The following ASB3 variants were observed in gnomAD, a reference collection of about 807,000 sequenced individuals.
ASB3 encodes the protein ankyrin repeat and SOCS box protein 3.
ASB3 carries 41 observed loss-of-function variants against 54.5 expected under a neutral mutation model. The ratio of observed to expected loss-of-function variants is 0.75; its 90% CI spans 0.59 to 0.98. The LOEUF (loss-of-function observed/expected upper bound fraction) is 0.98, where lower values mean the gene tolerates loss of function less well. Among genes scored for constraint, ASB3 ranks in the 50% least tolerant of loss-of-function variants. ASB3 has a pLI of 0.00. For synonymous variants in ASB3, 266 were observed against 221.2 expected (o/e 1.20, Z -1.80); for missense variants, 733 against 620.0 (o/e 1.18, Z -1.94).
chr2:53,767,622 T>C (rs927953038), intron 1 of ASB3: 2 of 455,348 alleles, frequency 4.4e-6, no homozygotes, highest in African/African-American at 3.9e-5. Context: ...GTTAGGGTGA[T>C]TTACGGATGC....
At chr2:53,718,251 TA>T (rs1298821834) in intron 5 of ASB3, among the ~76,000 whole-genome samples, 1 of 151,404 alleles carries the variant, frequency 6.6e-6, no homozygotes, top group Admixed American at 6.6e-5. Context: ...AGGTTAACAC[TA>T]AAGAAAAAAT....
chr2:53,715,432 T>C (rs566088525), intron 6 of ASB3, among the ~76,000 whole-genome samples: 1 of 152,266 alleles, frequency 6.6e-6, no homozygotes, highest in East Asian at 1.9e-4. Flanking sequence ...AACATTTAAG[T>C]AGAACTTACA....
At chr2:53,756,836 A>G (rs1672857286) in intron 2 of ASB3, 1 of 152,966 alleles carries the variant, frequency 6.5e-6, no homozygotes, top group Admixed American at 6.5e-5. Flanking sequence ...TGTCCACTGC[A>G]CTTCTGATCC....
chr2:53,719,865 C>A (rs1037506220), intron 5 of ASB3, among the ~76,000 whole-genome samples: 8 of 152,246 alleles, frequency 5.3e-5, no homozygotes, highest in African/African-American at 1.7e-4. Flanking sequence ...AGTTCAAGAC[C>A]AGCCAGGGCA....
At chr2:53,768,084 A>G in intron 1 of ASB3, 1 of 1,575,480 alleles carries the variant, frequency 6.3e-7, no homozygotes. Flanking sequence ...AACTCCACAC[A>G]CAGCACCCAC....
chr2:53,763,535 T>C (rs1380327522), intron 2 of ASB3: 1 of 169,336 alleles, frequency 5.9e-6, no homozygotes, highest in African/African-American at 2.4e-5. Flanking sequence ...ACTGCCGAAC[T>C]TGAGGAGCAT....
At chr2:53,765,975 G>A (rs985099669) in intron 1 of ASB3, among the ~76,000 whole-genome samples, 1 of 151,984 alleles carries the variant, frequency 6.6e-6, no homozygotes, top group Admixed American at 6.6e-5. Context: ...AATCCCCAGT[G>A]TACACTACAT....
chr2:53,705,344 A>G (rs975859818), intron 7 of ASB3, among the ~76,000 whole-genome samples: 5 of 152,224 alleles, frequency 3.3e-5, no homozygotes, highest in African/African-American at 1.2e-4. Flanking sequence ...TTATGCTCAC[A>G]TGGCCACTTC....
chr2:53,714,211 C>A (rs1670263176), intron 7 of ASB3, among the ~76,000 whole-genome samples, 173 bp downstream of exon 7: 1 of 152,162 alleles, frequency 6.6e-6, no homozygotes, highest in African/African-American at 2.4e-5. Context: ...ATTATCACCT[C>A]ATTTCTGCTT....
At chr2:53,774,439 CCAG>C in intron 1 of ASB3, 1 of 1,608,436 alleles carries the variant, frequency 6.2e-7, no homozygotes, top group Non-Finnish European at 8.5e-7. Flanking sequence ...GAACCTTGTG[CCAG>C]AAGAAGCAGA....
intron 8 of ASB3, 121 bp from the exon 9 acceptor site, chr2:53,694,135 G>A (rs578023921): frequency 2.4e-5 from 27 of 1,143,790 alleles, no homozygotes; most frequent in Non-Finnish European, 2.7e-5. Context: ...CAGAAAACCA[G>A]GGCATGTTAA....
At chr2:53,692,114 G>C (rs1668949535) in intron 9 of ASB3, among the ~76,000 whole-genome samples, 1 of 152,104 alleles carries the variant, frequency 6.6e-6, no homozygotes, top group Non-Finnish European at 1.5e-5. Context: ...TAACAATTGT[G>C]ACAACCAAAA....
intron 5 of ASB3, among the ~76,000 whole-genome samples, chr2:53,724,811 G>C (rs1162075701): frequency 6.6e-6 from 1 of 151,976 alleles, no homozygotes; most frequent in African/African-American, 2.4e-5. Flanking sequence ...TGCAGACAAA[G>C]GGGAACGCTT....
chr2:53,707,553 T>G (rs1224514432), intron 7 of ASB3, among the ~76,000 whole-genome samples: 1 of 146,846 alleles, frequency 6.8e-6, no homozygotes. Context: ...GAGGCTGAGG[T>G]GGAGAATGGC....
intron 3 of ASB3, among the ~76,000 whole-genome samples, chr2:53,745,818 G>A (rs1377323884): frequency 3.9e-5 from 6 of 152,124 alleles, no homozygotes; most frequent in Non-Finnish European, 8.8e-5. Context: ...TCTACAGATG[G>A]GAAAGGAAGC....
chr2:53,742,675 A>G (rs1338255610), intron 3 of ASB3, among the ~76,000 whole-genome samples: 1 of 152,138 alleles, frequency 6.6e-6, no homozygotes, highest in East Asian at 1.9e-4. Context: ...AAAAAATCCA[A>G]TTGAAATTGA....
chr2:53,671,353 C>CGTGTGT (rs142473697), intron 9 of ASB3, among the ~76,000 whole-genome samples: 4,594 of 142,540 alleles, frequency 0.032, 82 homozygotes, highest in Non-Finnish European at 0.034. Context: ...GAACCCAAAG[C>CGTGTGT]GTGTGTGTGT....
At chr2:53,714,343 C>T (rs1287213006) in intron 7 of ASB3, 41 bp downstream of exon 7, 1 of 1,603,580 alleles carries the variant, frequency 6.2e-7, no homozygotes, top group East Asian at 2.2e-5. Flanking sequence ...CTCCATACAG[C>T]AAAAAAGAAT....
In ASB3 at chr2:53,670,348, TTC is replaced by T. The variant is rs1667748782; in HGVS notation, c.*153_*154del. 2.0e-6 allele frequency: 1 copy of T among 503,296 alleles called. No homozygotes were observed. The highest frequency in any genetic ancestry group is 5.9e-4 in the Middle Eastern group (1 of 1,708). 31.2% of individuals were successfully genotyped at this position (503,296 alleles called of 1,614,324 possible). A position where few individuals can be genotyped will look rare whatever the true frequency, so the allele number is the denominator to read the frequency against. On this transcript the variant is annotated 3_prime_UTR_variant, in exon 10 of 10. Transcript: ENST00000263634. ...GGAAGGCTAGTTGTAAACATAAACA[TTC>T]TCACTGAACTACTGGCCCCCCAAAA...
Sources: allele counts gnomAD v4.1 joint callset (sites outside exome capture counted in the v4.1 genomes callset), GRCh38; gene constraint gnomAD v4.1.1; transcripts MANE v1.5; gene names NCBI Gene and HGNC (gene_info 2026-07-23, HGNC 2026-07-21).